The following SGIP1 variants were observed in gnomAD, a reference collection of about 807,000 sequenced individuals.
SGIP1 encodes SH3GL interacting endocytic adaptor 1.
SGIP1 carries 38 observed loss-of-function variants against 107.5 expected under a neutral mutation model. That is an observed-to-expected ratio of 0.35 (90% CI 0.27 to 0.46). The LOEUF (loss-of-function observed/expected upper bound fraction) is 0.46, where lower values mean the gene tolerates loss of function less well. Ranked by LOEUF, SGIP1 falls within the 20% of genes least tolerant of loss-of-function variation. The pLI, the probability that SGIP1 is intolerant of heterozygous loss-of-function variation, is 1.00. For missense variants in SGIP1, 929 were observed against 1,019.5 expected, an observed-to-expected ratio of 0.91 and a Z score of 1.21; for synonymous variants, 365 against 366.1, an observed-to-expected ratio of 1.00 and a Z score of 0.03.
At position 66,750,246 on chromosome 1, in the gene SGIP1, T is replaced by C. The variant is rs183388553; in HGVS notation, c.*7151T>C. On this transcript the variant is annotated 3_prime_UTR_variant, in exon 25 of 25. Transcript: ENST00000371037. ...CTGTTTGAACACTATTGTTTTCGATTAAAAAGAGTTTTTGTTTGTTTTTCA... is the reference window on the plus strand; with the variant it reads ...CTGTTTGAACACTATTGTTTTCGATCAAAAAGAGTTTTTGTTTGTTTTTCA... Among the ~76,000 whole-genome samples, 3 of 152,314 alleles carry C rather than the reference T, an allele frequency of 2.0e-5. No individual in the cohort carries two copies. The East Asian group carries it at 5.8e-4, about 29-fold the overall frequency.
chr1:66,624,948 T>C (rs570628223), intron 1 of SGIP1, among the ~76,000 whole-genome samples: 1 of 152,172 alleles, frequency 6.6e-6, no homozygotes, highest in Non-Finnish European at 1.5e-5. Flanking sequence ...AAGGGCTTTC[T>C]TAGCCAGTGC....
chr1:66,707,809 C>T (rs2092629790), intron 18 of SGIP1, among the ~76,000 whole-genome samples: 1 of 152,082 alleles, frequency 6.6e-6, no homozygotes, highest in Non-Finnish European at 1.5e-5. Context: ...TTCATTATCC[C>T]TCTTTCCTTG....
chr1:66,587,159 A>G (rs909393780), intron 1 of SGIP1, among the ~76,000 whole-genome samples: 1 of 152,090 alleles, frequency 6.6e-6, no homozygotes, highest in East Asian at 1.9e-4. Context: ...CAATCACAGC[A>G]TATATCATTT....
chr1:66,637,829 A>G (rs2076082119), intron 4 of SGIP1, among the ~76,000 whole-genome samples: 1 of 149,718 alleles, frequency 6.7e-6, no homozygotes, highest in South Asian at 2.1e-4. Context: ...ATATGTGTGT[A>G]CATATACATA....
chr1:66,553,108 G>C (rs17487140), intron 1 of SGIP1, among the ~76,000 whole-genome samples: 1 of 152,060 alleles, frequency 6.6e-6, no homozygotes, highest in Non-Finnish European at 1.5e-5. Flanking sequence ...CTCCATGTTT[G>C]GGTCACGGTT....
chr1:66,575,298 G>A (rs1386376629), intron 1 of SGIP1, among the ~76,000 whole-genome samples: 1 of 152,104 alleles, frequency 6.6e-6, no homozygotes, highest in African/African-American at 2.4e-5. Flanking sequence ...ACAAATTAAG[G>A]TCCTAATTAC....
chr1:66,598,742 C>A (rs1029809952), intron 1 of SGIP1, among the ~76,000 whole-genome samples: 1 of 152,114 alleles, frequency 6.6e-6, no homozygotes, highest in Non-Finnish European at 1.5e-5. Flanking sequence ...AGAACATCAC[C>A]GAAGAGATGG....
chr1:66,585,792 G>A (rs2062523540), intron 1 of SGIP1, among the ~76,000 whole-genome samples: 1 of 152,014 alleles, frequency 6.6e-6, no homozygotes, highest in African/African-American at 2.4e-5. Flanking sequence ...GCCAGGCCAA[G>A]AGCTTTGGAG....
intron 15 of SGIP1, chr1:66,684,300 C>T: frequency 2.1e-6 from 3 of 1,414,026 alleles, no homozygotes; most frequent in Non-Finnish European, 2.9e-6. Context: ...ATCTACACTG[C>T]ACAGTGTCAT....
At chr1:66,676,084 C>T (rs1452803119) in intron 12 of SGIP1, among the ~76,000 whole-genome samples, 1 of 152,130 alleles carries the variant, frequency 6.6e-6, no homozygotes, top group Non-Finnish European at 1.5e-5. Context: ...TTTATATATA[C>T]TCTATTCATA....
rs141370211 is a variant in SGIP1 at position 66,675,537 on chromosome 1, C to CTTTTTTTTTTTTTTTTTTTTT, written c.647-1464_647-1463insTTTTTTTTTTTTTTTTTTTTT. Reference sequence around the variant, plus strand: ...TTTCGTTGTTTTTCTTTTTCTTTTTCTTTCTTTTTTTTTTTTTTTTTTGAC... The same window carrying CTTTTTTTTTTTTTTTTTTTTT: ...TTTCGTTGTTTTTCTTTTTCTTTTTCTTTTTTTTTTTTTTTTTTTTTTTTCTTTTTTTTTTTTTTTTTTGAC... On this transcript the variant is annotated intron_variant, in intron 12 of 24. Transcript: ENST00000371037. 1.3e-3 allele frequency among the ~76,000 whole-genome samples: 137 copies of CTTTTTTTTTTTTTTTTTTTTT among 109,182 alleles called. 21 individuals are homozygous for CTTTTTTTTTTTTTTTTTTTTT. Among genetic ancestry groups the CTTTTTTTTTTTTTTTTTTTTT allele is most frequent in the Middle Eastern group, 5.0e-3 (1 of 200 alleles). The allele number at this position is 109,182 out of a possible 152,430, so 71.6% of individuals were successfully genotyped here.
At chr1:66,611,227 A>C (rs530775991) in intron 1 of SGIP1, among the ~76,000 whole-genome samples, 11 of 152,370 alleles carry the variant, frequency 7.2e-5, no homozygotes, top group Admixed American at 7.2e-4. Flanking sequence ...TAGTCTTCAT[A>C]GCTAACCTGT....
intron 9 of SGIP1, among the ~76,000 whole-genome samples, chr1:66,669,421 G>T (rs2083290089): frequency 6.6e-6 from 1 of 152,152 alleles, no homozygotes; most frequent in African/African-American, 2.4e-5. Context: ...TACTAGGTGG[G>T]CTGTGTTCCC....
At chr1:66,654,045 A>G (rs2079231066) in intron 7 of SGIP1, among the ~76,000 whole-genome samples, 2 of 152,186 alleles carry the variant, frequency 1.3e-5, no homozygotes, top group African/African-American at 4.8e-5. Flanking sequence ...TCTAGGGCCC[A>G]CAGCAGTGAA....
At chr1:66,742,023 C>T (rs1156311960) in intron 24 of SGIP1, among the ~76,000 whole-genome samples, 2 of 152,126 alleles carry the variant, frequency 1.3e-5, no homozygotes, top group African/African-American at 2.4e-5. Context: ...GCCTCGGCCT[C>T]CTAAAGTACT....
In SGIP1 at chr1:66,749,761, C is replaced by T. The variant is rs114170506; in HGVS notation, c.*6666C>T. Among the ~76,000 whole-genome samples, 191 of 151,940 alleles carry T rather than the reference C, an allele frequency of 1.3e-3. 1 individual carries two copies. Among genetic ancestry groups the T allele is most frequent in the African/African-American group, 4.5e-3 (188 of 41,468 alleles). On this transcript the variant is annotated 3_prime_UTR_variant, in exon 25 of 25. Transcript: ENST00000371037. The stretch of plus-strand genomic sequence containing the variant: ...CATTACTTTTATGAATTTTTTTTCT[C>T]GCAAAGTAAATGCTTGATGTTATTC...
At chr1:66,712,378 G>A (rs371838089) in intron 18 of SGIP1, among the ~76,000 whole-genome samples, 1 of 152,232 alleles carries the variant, frequency 6.6e-6, no homozygotes, top group Non-Finnish European at 1.5e-5. Flanking sequence ...GAGATTATAC[G>A]GAAAATGGAG....
chr1:66,552,812 A>T (rs1316054570), intron 1 of SGIP1, among the ~76,000 whole-genome samples: 1 of 152,106 alleles, frequency 6.6e-6, no homozygotes, highest in Non-Finnish European at 1.5e-5. Context: ...CCATGATAAG[A>T]GGTAATTTAC....
chr1:66,648,487 A>G (rs1472420130), intron 7 of SGIP1, among the ~76,000 whole-genome samples: 1 of 152,166 alleles, frequency 6.6e-6, no homozygotes, highest in Non-Finnish European at 1.5e-5. Context: ...CCATCCACTG[A>G]TAACACCCTT....
Sources: gnomAD v4.1 joint callset for allele counts (sites outside exome capture counted in the v4.1 genomes callset) on GRCh38, gnomAD v4.1.1 for gene constraint, MANE v1.5 for transcripts, NCBI Gene and HGNC (gene_info 2026-07-23, HGNC 2026-07-21) for gene names.